THEM4: variants seen among roughly 807,000 people sequenced by gnomAD.
THEM4 encodes the protein acyl-coenzyme A thioesterase THEM4.
Under a neutral mutation model 25.0 loss-of-function variants are expected in THEM4, and 22 were observed. The ratio of observed to expected loss-of-function variants is 0.88; its 90% CI spans 0.63 to 1.26. The LOEUF (loss-of-function observed/expected upper bound fraction) is 1.26, where lower values mean the gene tolerates loss of function less well. THEM4 is among the 50% of genes most tolerant of loss of function. THEM4 has a pLI of 0.00. For synonymous variants in THEM4, 113 were observed against 105.6 expected (o/e 1.07, Z -0.43); for missense variants, 286 against 300.3 (o/e 0.95, Z 0.35).
intron 4 of THEM4, among the ~76,000 whole-genome samples, chr1:151,881,403 A>G (rs992803569): frequency 6.6e-6 from 1 of 152,176 alleles, no homozygotes; most frequent in African/African-American, 2.4e-5. Context: ...CATGTTTACC[A>G]ATTAATTTGC....
intron 1 of THEM4, among the ~76,000 whole-genome samples, chr1:151,897,373 C>G (rs1359112653): frequency 6.6e-6 from 1 of 152,184 alleles, no homozygotes; most frequent in African/African-American, 2.4e-5. Context: ...TACAGAGAAC[C>G]TGTCTCAAAA....
At chr1:151,896,819 C>A (rs1409441311) in intron 1 of THEM4, among the ~76,000 whole-genome samples, 1 of 152,016 alleles carries the variant, frequency 6.6e-6, no homozygotes, top group Non-Finnish European at 1.5e-5. Context: ...AACTTGGTGA[C>A]AATTTGGATA....
Position 151,904,197 on chromosome 1 carries a change from C to A in THEM4, c.99+5163G>T, listed in dbSNP as rs73005923. The stretch of plus-strand genomic sequence containing the variant: ...CATTGGGGAACTGCTAGGGTTTCAG[C>A]CTTCATATATGTAAGGTGGAAAGAG... On this transcript the variant is annotated intron_variant, in intron 1 of 5. Transcript: ENST00000368814. Among the ~76,000 whole-genome samples the A allele has an allele frequency of 9.0e-3, 1,362 of 152,098 alleles. 28 individuals are homozygous for A. The highest frequency in any genetic ancestry group is 0.032 in the African/African-American group (1,310 of 41,478).
At position 151,871,745 on chromosome 1, in the gene THEM4, T is replaced by A. The variant is rs1451181970; in HGVS notation, c.*3143A>T. Among the ~76,000 whole-genome samples the A allele has an allele frequency of 2.6e-5, 4 of 152,212 alleles. No homozygotes were observed. The highest frequency in any genetic ancestry group is 2.0e-4 in the Admixed American group (3 of 15,278). On this transcript the variant is annotated 3_prime_UTR_variant, in exon 6 of 6. Transcript: ENST00000368814. ...CGAAGGGAGGCAGGCATACTTAACA[T>A]GAAGAAAACCTGGTCATTTGGCACT... is the stretch of plus-strand genomic sequence containing the variant.
intron 1 of THEM4, among the ~76,000 whole-genome samples, chr1:151,906,496 G>A (rs977564848): frequency 2.0e-5 from 3 of 152,198 alleles, no homozygotes; most frequent in East Asian, 1.9e-4. Context: ...CAGTCCCATC[G>A]AGCACCCAAG....
intron 4 of THEM4, among the ~76,000 whole-genome samples, chr1:151,879,773 C>T (rs1352237380): frequency 5.3e-5 from 8 of 151,438 alleles, no homozygotes; most frequent in African/African-American, 1.7e-4. Context: ...TCTCCTGCCT[C>T]GGCCTCCCAA....
intron 4 of THEM4, among the ~76,000 whole-genome samples, chr1:151,878,533 C>T (rs1653737590): frequency 6.6e-6 from 1 of 152,232 alleles, no homozygotes; most frequent in Admixed American, 6.5e-5. Flanking sequence ...TGAATATCTG[C>T]ACTCAGCCAC....
At chr1:151,876,294 C>G (rs1653668637) in intron 5 of THEM4, among the ~76,000 whole-genome samples, 1 of 152,104 alleles carries the variant, frequency 6.6e-6, no homozygotes, top group Non-Finnish European at 1.5e-5. Context: ...GCTATGTTTG[C>G]TACGTTTTGC....
At position 151,902,077 on chromosome 1, in the gene THEM4, G is replaced by A. The variant is rs547236130; in HGVS notation, c.100-6883C>T. Among the ~76,000 whole-genome samples, 11 of 152,174 alleles carry A rather than the reference G, an allele frequency of 7.2e-5. No individual in the cohort carries two copies. The East Asian group carries it at 1.2e-3, about 16-fold the overall frequency. ...GCACAAACAGACAAAACCACAATGC[G>A]ATACCACCTTACTCCTGCAAGAATT... On this transcript the variant is annotated intron_variant, in intron 1 of 5. Transcript: ENST00000368814.
chr1:151,895,846 C>T (rs948427868), intron 1 of THEM4, among the ~76,000 whole-genome samples: 1 of 152,074 alleles, frequency 6.6e-6, no homozygotes, highest in Non-Finnish European at 1.5e-5. Context: ...TCGGTACTGT[C>T]CTCATGATAG....
chr1:151,899,043 C>G (rs989718404), intron 1 of THEM4, among the ~76,000 whole-genome samples: 2 of 152,140 alleles, frequency 1.3e-5, no homozygotes, highest in Admixed American at 6.5e-5. Context: ...TCGACACCCC[C>G]CAAAAATCAC....
rs774715796 is a variant in THEM4, at chr1:151,888,345, G to T, written c.485C>A (p.Ala162Asp). ...HGGAIATMID[A>D]TVGMCAMMAG... is the part of the protein sequence containing the mutation. ...CATCATTGCACACATACCAACAGTAGCATCAATCATGGTTGCAATGGCACC... is the reference window on the plus strand; with the variant it reads ...CATCATTGCACACATACCAACAGTATCATCAATCATGGTTGCAATGGCACC... Residue 162 changes from alanine to aspartate, a missense_variant, in exon 4 of 6, where the codon GCT becomes GAT. By Grantham distance (126) the Ala-to-Asp change is moderately radical (BLOSUM62 -2). Transcript: ENST00000368814. 5 of 1,613,378 alleles carry T rather than the reference G, an allele frequency of 3.1e-6. No homozygotes were observed. The highest frequency in any genetic ancestry group is 4.2e-6 in the Non-Finnish European group (5 of 1,179,656).
chr1:151,888,841 A>G (rs1654025477), intron 3 of THEM4, among the ~76,000 whole-genome samples: 1 of 151,730 alleles, frequency 6.6e-6, no homozygotes, highest in African/African-American at 2.4e-5. Flanking sequence ...AAACAAAACA[A>G]ACTATACATA....
At chr1:151,906,445 C>T (rs866848019) in intron 1 of THEM4, among the ~76,000 whole-genome samples, 4 of 152,248 alleles carry the variant, frequency 2.6e-5, no homozygotes, top group African/African-American at 7.2e-5. Context: ...CTGCACGGCC[C>T]GAGCCTCCCT....
chr1:151,889,048 T>C (rs1202267495), intron 3 of THEM4, among the ~76,000 whole-genome samples, 166 bp downstream of exon 3: 1 of 152,142 alleles, frequency 6.6e-6, no homozygotes, highest in Non-Finnish European at 1.5e-5. Flanking sequence ...ATTAATAATA[T>C]AGATAAGATG....
chr1:151,878,108 G>A (rs1026434689), intron 4 of THEM4, among the ~76,000 whole-genome samples: 4 of 152,196 alleles, frequency 2.6e-5, no homozygotes, highest in African/African-American at 7.2e-5. Flanking sequence ...AGGTGTTCTC[G>A]CCTGCCCAGC....
At chr1:151,884,312 A>G (rs1022471558) in intron 4 of THEM4, among the ~76,000 whole-genome samples, 3 of 152,210 alleles carry the variant, frequency 2.0e-5, no homozygotes, top group African/African-American at 7.2e-5. Context: ...TGTATTTTTA[A>G]AGCTTTCTTT....
rs1425029575 is a variant in THEM4, at chr1:151,873,251, CCTT to C, written c.*1634_*1636del. 1.3e-5 allele frequency among the ~76,000 whole-genome samples: 2 copies of C among 152,176 alleles called. No individual in the cohort carries two copies. The highest frequency in any genetic ancestry group is 4.8e-5 in the African/African-American group (2 of 41,448). On this transcript the variant is annotated 3_prime_UTR_variant, in exon 6 of 6. Coordinates refer to ENST00000368814, the MANE Select transcript of THEM4 (RefSeq NM_053055.5). ...CTTTGCTCACAGATTTTCCTGCTGA[CCTT>C]CTCCCCACTATCACCCTGTTCTCCT...
intron 1 of THEM4, among the ~76,000 whole-genome samples, chr1:151,907,914 G>A (rs1654507623): frequency 6.6e-6 from 1 of 152,138 alleles, no homozygotes; most frequent in Admixed American, 6.5e-5. Context: ...GTGTCCAGTA[G>A]CCACACAGGG....
Sources: gnomAD v4.1 joint callset for allele counts (sites outside exome capture counted in the v4.1 genomes callset) on GRCh38, gnomAD v4.1.1 for gene constraint, MANE v1.5 for transcripts, NCBI Gene and HGNC (gene_info 2026-07-23, HGNC 2026-07-21) for gene names.